The following PRKCE variants were observed in gnomAD, a reference collection of about 807,000 sequenced individuals.
The protein encoded by PRKCE is protein kinase C epsilon type.
Under a neutral mutation model 85.4 loss-of-function variants are expected in PRKCE, and 16 were observed. The ratio of observed to expected loss-of-function variants is 0.19; its 90% CI spans 0.13 to 0.28. PRKCE has a LOEUF of 0.28. PRKCE is among the 10% of genes least tolerant of loss of function. PRKCE has a pLI of 1.00. For missense variants in PRKCE, 573 were observed against 975.2 expected, an observed-to-expected ratio of 0.59 and a Z score of 5.49; for synonymous variants, 388 against 371.5, an observed-to-expected ratio of 1.04 and a Z score of -0.51.
At chr2:46,007,031 G>A (rs1431675814) in intron 8 of PRKCE, among the ~76,000 whole-genome samples, 4 of 152,216 alleles carry the variant, frequency 2.6e-5, no homozygotes, top group Non-Finnish European at 5.9e-5. Flanking sequence ...TATATCACCA[G>A]TGATTACTGT....
At chr2:45,795,180 G>A in intron 1 of PRKCE, among the ~76,000 whole-genome samples, 1 of 152,158 alleles carries the variant, frequency 6.6e-6, no homozygotes, top group East Asian at 1.9e-4. Context: ...GGTCTTCCTT[G>A]GCATGGGCGT....
intron 1 of PRKCE, among the ~76,000 whole-genome samples, chr2:45,709,606 C>G (rs1047248585): frequency 6.6e-6 from 1 of 152,328 alleles, no homozygotes; most frequent in East Asian, 1.9e-4. Context: ...ATGGTTCTGC[C>G]TTAGTGTGAC....
At chr2:45,719,205 G>T (rs1193138812) in intron 1 of PRKCE, among the ~76,000 whole-genome samples, 2 of 152,214 alleles carry the variant, frequency 1.3e-5, no homozygotes, top group East Asian at 3.8e-4. Flanking sequence ...ACTGTTGGCT[G>T]GTCCTGGCTA....
At chr2:45,817,421 C>A (rs1031843076) in intron 1 of PRKCE, among the ~76,000 whole-genome samples, 1 of 152,120 alleles carries the variant, frequency 6.6e-6, no homozygotes, top group African/African-American at 2.4e-5. Context: ...CGGCTGGGCG[C>A]GGTGGCTCAC....
At chr2:46,156,260 G>T (rs4953321) in intron 13 of PRKCE, among the ~76,000 whole-genome samples, 88,930 of 151,716 alleles carry the variant, frequency 0.59, 27,048 homozygotes, top group East Asian at 0.86. Flanking sequence ...TGCCCTTTTT[G>T]CCTAGGTACA....
In PRKCE at chr2:46,145,832, C is replaced by A. The variant is rs1355016143; in HGVS notation, c.1731+601C>A. 1.3e-5 allele frequency among the ~76,000 whole-genome samples: 2 copies of A among 151,960 alleles called. No individual in the cohort carries two copies. The highest frequency in any genetic ancestry group is 2.4e-5 in the African/African-American group (1 of 41,330). On this transcript the variant is annotated intron_variant, in intron 12 of 14. Coordinates refer to ENST00000306156, the MANE Select transcript of PRKCE (RefSeq NM_005400.3). The surrounding 1 kb of genome is among the most constrained non-coding windows in gnomAD (Gnocchi z 4.6). The stretch of plus-strand genomic sequence containing the variant: ...ATAGTGAGCCATAATTGCACCATTG[C>A]ACTCCAGCCTGGGTGACAGAGCAAG...
intron 6 of PRKCE, among the ~76,000 whole-genome samples, chr2:45,997,025 C>T (rs1704275922): frequency 1.3e-5 from 2 of 152,038 alleles, no homozygotes; most frequent in Non-Finnish European, 2.9e-5. Flanking sequence ...CTGTGTATGT[C>T]TTCTTATGTA....
At chr2:45,678,534 C>T (rs570614006) in intron 1 of PRKCE, among the ~76,000 whole-genome samples, 10 of 152,140 alleles carry the variant, frequency 6.6e-5, no homozygotes, top group African/African-American at 2.4e-4. Context: ...AACGTGCACG[C>T]CTGATTTAGT....
chr2:46,049,539 T>A (rs2105054020), intron 10 of PRKCE, among the ~76,000 whole-genome samples: 1 of 152,326 alleles, frequency 6.6e-6, no homozygotes, highest in East Asian at 1.9e-4. Flanking sequence ...CAAGGTAGTT[T>A]CTGCCTGATT....
At chr2:45,954,791 A>T (rs1258965719) in intron 2 of PRKCE, among the ~76,000 whole-genome samples, 1 of 152,210 alleles carries the variant, frequency 6.6e-6, no homozygotes, top group East Asian at 1.9e-4. Flanking sequence ...TTTAGAACCG[A>T]GGATAGCTTT....
At chr2:46,060,991 A>T (rs1039863293) in intron 10 of PRKCE, among the ~76,000 whole-genome samples, 1 of 150,778 alleles carries the variant, frequency 6.6e-6, no homozygotes, top group African/African-American at 2.4e-5. Context: ...TGAACTCCCG[A>T]CCTCAAGTGA....
intron 14 of PRKCE, among the ~76,000 whole-genome samples, chr2:46,180,761 G>A (rs943686873): frequency 1.3e-5 from 2 of 152,188 alleles, no homozygotes; most frequent in African/African-American, 4.8e-5. Context: ...CCTATAGTGT[G>A]CCTGTTACCA....
At chr2:45,941,590 G>A (rs2104220332) in intron 2 of PRKCE, among the ~76,000 whole-genome samples, 1 of 152,312 alleles carries the variant, frequency 6.6e-6, no homozygotes, top group Middle Eastern at 3.4e-3. Flanking sequence ...TGAAGAATGG[G>A]CAGTTGAATT....
At chr2:45,979,569 A>G (rs1702719411) in intron 4 of PRKCE, among the ~76,000 whole-genome samples, 1 of 152,154 alleles carries the variant, frequency 6.6e-6, no homozygotes, top group Non-Finnish European at 1.5e-5. Flanking sequence ...AAGTTGTACA[A>G]AATTGGAGGG....
intron 10 of PRKCE, among the ~76,000 whole-genome samples, chr2:46,030,842 C>T (rs1303445408): frequency 6.6e-6 from 1 of 152,216 alleles, no homozygotes; most frequent in Admixed American, 6.5e-5. Context: ...CTCTAACATC[C>T]TTGCAGTCTT....
chr2:45,874,939 A>G (rs1014380884), intron 2 of PRKCE, among the ~76,000 whole-genome samples: 14 of 152,248 alleles, frequency 9.2e-5, no homozygotes, highest in Admixed American at 5.9e-4. Context: ...CATTCCAATT[A>G]GGTAAGATTA....
chr2:46,025,359 AT>A (rs758642432), intron 10 of PRKCE, among the ~76,000 whole-genome samples: 2 of 152,014 alleles, frequency 1.3e-5, no homozygotes, highest in Admixed American at 6.6e-5. Flanking sequence ...GACAACCAGT[AT>A]TTTTTTTAGT....
intron 2 of PRKCE, among the ~76,000 whole-genome samples, chr2:45,961,562 A>G (rs1391550795): frequency 3.3e-5 from 5 of 152,148 alleles, no homozygotes; most frequent in Non-Finnish European, 7.3e-5. Flanking sequence ...ACCAAGTAGC[A>G]CCTGGGGACA....
intron 11 of PRKCE, among the ~76,000 whole-genome samples, chr2:46,094,897 A>C (rs775343002): frequency 2.0e-5 from 3 of 151,874 alleles, no homozygotes; most frequent in African/African-American, 4.8e-5. Flanking sequence ...GTCTGAAGTC[A>C]ATTGAATTCT....
Sources: allele counts gnomAD v4.1 joint callset (sites outside exome capture counted in the v4.1 genomes callset), GRCh38; gene constraint gnomAD v4.1.1; non-coding constraint Gnocchi (gnomAD v3.1); transcripts MANE v1.5; gene names NCBI Gene and HGNC (gene_info 2026-07-23, HGNC 2026-07-21).